Variants in KNTC1 observed in about 807,000 individuals in gnomAD.
KNTC1 encodes kinetochore associated 1.
KNTC1 carries 253 observed loss-of-function variants against 314.4 expected under a neutral mutation model. That is an observed-to-expected ratio of 0.80 (90% CI 0.73 to 0.89). The LOEUF is 0.89. Ranked by LOEUF, KNTC1 falls within the 40% of genes least tolerant of loss-of-function variation. The pLI is 0.00. For synonymous variants in KNTC1, 901 were observed against 901.4 expected, an observed-to-expected ratio of 1.00 and a Z score of 0.01; for missense variants, 2,475 against 2,572.9, an observed-to-expected ratio of 0.96 and a Z score of 0.82.
intron 8 of KNTC1, 107 bp downstream of exon 8, chr12:122,544,376 C>A: frequency 5.0e-6 from 3 of 599,810 alleles, no homozygotes; most frequent in South Asian, 2.1e-5. Context: ...ATAACCGAAA[C>A]AAGGAAATTA....
intron 54 of KNTC1, 63 bp from the exon 55 acceptor site, chr12:122,613,563 T>G: frequency 6.9e-7 from 1 of 1,457,474 alleles, no homozygotes; most frequent in Non-Finnish European, 9.1e-7. Flanking sequence ...CATATGGTAG[T>G]TTTTATTTTA....
At chr12:122,541,294 T>TTCCTTCCTTCCC (rs1962302796) in intron 5 of KNTC1, among the ~76,000 whole-genome samples, 2 of 140,432 alleles carry the variant, frequency 1.4e-5, no homozygotes, top group East Asian at 2.0e-4. Flanking sequence ...CCTGCCTTCC[T>TTCCTTCCTTCCC]TCCTTCCTTC....
intron 24 of KNTC1, among the ~76,000 whole-genome samples, chr12:122,572,519 A>G (rs555834097): frequency 2.0e-5 from 3 of 152,172 alleles, no homozygotes; most frequent in Non-Finnish European, 4.4e-5. Context: ...GTAAAACATT[A>G]TTTTTATCTT....
intron 2 of KNTC1, among the ~76,000 whole-genome samples, 156 bp downstream of exon 2, chr12:122,530,348 C>T (rs1326644070): frequency 6.6e-6 from 1 of 152,066 alleles, no homozygotes; most frequent in Non-Finnish European, 1.5e-5. Context: ...GTCTGAATAC[C>T]CTCTGCATCA....
chr12:122,574,624 A>G (rs1964902609), intron 27 of KNTC1, among the ~76,000 whole-genome samples: 1 of 152,052 alleles, frequency 6.6e-6, no homozygotes, highest in Admixed American at 6.6e-5. Context: ...ACGCCCAGCT[A>G]ATTTTTGTAT....
At chr12:122,541,660 CTCTT>C (rs139792753) in intron 5 of KNTC1, among the ~76,000 whole-genome samples, 46,985 of 151,476 alleles carry the variant, frequency 0.31, 8,671 homozygotes, top group Admixed American at 0.39. Context: ...CTGTCTTTCT[CTCTT>C]TCTTCAAAAG....
At position 122,597,771 on chromosome 12, in the gene KNTC1, A is replaced by G. The variant is rs747192233; in HGVS notation, c.4396A>G (p.Ile1466Val). 29 of 1,613,880 alleles carry G rather than the reference A, an allele frequency of 1.8e-5. No individual in the cohort carries two copies. The highest frequency in any genetic ancestry group is 1.7e-4 in the African/African-American group (13 of 74,936). Residue 1466 changes from isoleucine to valine, a missense_variant, in exon 44 of 64, where the codon ATT becomes GTT. Physicochemically the swap from Ile to Val is conservative, Grantham distance 29 (BLOSUM62 3). Coordinates refer to ENST00000333479, the MANE Select transcript of KNTC1 (RefSeq NM_014708.6). ...LDCDAVLQLF[I>V]ETLLHNTNAG... ...CTGCGATGCAGTTCTTCAGCTCTTCATTGAAACGCTGCTCCACAACACAAA... is the reference window on the plus strand; with the variant it reads ...CTGCGATGCAGTTCTTCAGCTCTTCGTTGAAACGCTGCTCCACAACACAAA...
chr12:122,568,926 A>G (rs1565966268), intron 21 of KNTC1, among the ~76,000 whole-genome samples: 1 of 152,166 alleles, frequency 6.6e-6, no homozygotes, highest in African/African-American at 2.4e-5. Flanking sequence ...GTACAGTAGA[A>G]CCTTATTTTA....
chr12:122,600,544 A>G (rs1871722498), intron 44 of KNTC1, among the ~76,000 whole-genome samples: 1 of 152,222 alleles, frequency 6.6e-6, no homozygotes, highest in Non-Finnish European at 1.5e-5. Context: ...TAAGAAAAGG[A>G]TCAGTTTCTT....
rs772694843 is a variant in KNTC1 at position 122,597,870 on chromosome 12, C to T, written c.4495C>T (p.Leu1499Phe). ...RRHPKLLAKALEMVPLLTSTK... is the reference protein window; with the variant it reads ...RRHPKLLAKAFEMVPLLTSTK... ...GCATCCCAAACTCCTGGCCAAAGCCCTTGAGATGGTTCCTTTACTGACGAG... is the reference window on the plus strand; with the variant it reads ...GCATCCCAAACTCCTGGCCAAAGCCTTTGAGATGGTTCCTTTACTGACGAG... The change falls in exon 44 of 64, where the codon CTT (leucine) becomes TTT (phenylalanine). Residue 1499 changes from leucine to phenylalanine, a missense_variant. Physicochemically the swap from Leu to Phe is conservative, Grantham distance 22. Coordinates refer to ENST00000333479, the MANE Select transcript of KNTC1 (RefSeq NM_014708.6). 7 of 1,613,910 alleles carry T rather than the reference C, an allele frequency of 4.3e-6. No individual in the cohort carries two copies. The Admixed American group carries it at 8.3e-5, about 19-fold the overall frequency.
At chr12:122,529,926 A>G in intron 1 of KNTC1, 65 bp from the exon 2 acceptor site, 4 of 853,332 alleles carry the variant, frequency 4.7e-6, no homozygotes, top group Middle Eastern at 2.5e-4. Flanking sequence ...TTAATGTTAG[A>G]CTTTTGTTTT....
intron 29 of KNTC1, 75 bp from the exon 30 acceptor site, chr12:122,576,820 T>C (rs1965060176): frequency 8.0e-7 from 1 of 1,245,974 alleles, no homozygotes; most frequent in African/African-American, 1.5e-5. Flanking sequence ...TTTGCCACTT[T>C]GCTCTTATAA....
At chr12:122,564,945 A>G (rs1202166213) in intron 20 of KNTC1, among the ~76,000 whole-genome samples, 1 of 152,132 alleles carries the variant, frequency 6.6e-6, no homozygotes, top group East Asian at 1.9e-4. Flanking sequence ...ATATCTGTGG[A>G]TTCAATTTCT....
chr12:122,569,604 A>G, intron 21 of KNTC1, 77 bp from the exon 22 acceptor site: 1 of 1,331,100 alleles, frequency 7.5e-7, no homozygotes, highest in Non-Finnish European at 1.1e-6. Context: ...ATGACTTCCT[A>G]AAATATCTTT....
At chr12:122,552,378 A>T (rs918391899) in intron 16 of KNTC1, among the ~76,000 whole-genome samples, 10 of 152,072 alleles carry the variant, frequency 6.6e-5, no homozygotes, top group African/African-American at 2.4e-4. Context: ...GAAGATGATG[A>T]TGATGCAGAA....
chr12:122,575,069 T>C (rs1317057672), intron 27 of KNTC1, among the ~76,000 whole-genome samples: 1 of 152,220 alleles, frequency 6.6e-6, no homozygotes, highest in Admixed American at 6.5e-5. Context: ...GAGACCTGCC[T>C]GGGCAACATG....
At chr12:122,528,517 C>T (rs967830204) in intron 1 of KNTC1, among the ~76,000 whole-genome samples, 3 of 152,104 alleles carry the variant, frequency 2.0e-5, no homozygotes, top group African/African-American at 7.3e-5. Context: ...TCAAGGCCAG[C>T]CAGGGCAAAA....
At chr12:122,567,618 C>T (rs1036933744) in intron 20 of KNTC1, among the ~76,000 whole-genome samples, 1 of 151,934 alleles carries the variant, frequency 6.6e-6, no homozygotes, top group Admixed American at 6.6e-5. Flanking sequence ...GTGGGTGGAT[C>T]AGTTGAGGTC....
intron 3 of KNTC1, among the ~76,000 whole-genome samples, chr12:122,535,810 G>T (rs188918115): frequency 2.8e-4 from 43 of 151,504 alleles, no homozygotes; most frequent in African/African-American, 9.0e-4. Flanking sequence ...AGTGACAGTC[G>T]TGTCTCAAAA....
Sources: allele counts gnomAD v4.1 joint callset (sites outside exome capture counted in the v4.1 genomes callset), GRCh38; gene constraint gnomAD v4.1.1; transcripts MANE v1.5; gene names NCBI Gene and HGNC (gene_info 2026-07-23, HGNC 2026-07-21).